EIF4E3: variants seen among roughly 807,000 people sequenced by gnomAD.
EIF4E3 encodes eukaryotic translation initiation factor 4E family member 3.
A neutral mutation model predicts 31.7 loss-of-function variants in EIF4E3; 26 were observed. That is an observed-to-expected ratio of 0.82 (90% CI 0.60 to 1.14). The LOEUF is 1.14. EIF4E3 is among the 50% of genes most tolerant of loss of function. EIF4E3 has a pLI of 0.00. For synonymous variants in EIF4E3, 128 were observed against 107.7 expected (o/e 1.19, Z -1.17); for missense variants, 304 against 270.9 (o/e 1.12, Z -0.86).
chr3:71,700,473 G>A (rs1440985575), intron 2 of EIF4E3, among the ~76,000 whole-genome samples: 1 of 152,030 alleles, frequency 6.6e-6, no homozygotes, highest in Admixed American at 6.5e-5. Context: ...AATTAGCCAG[G>A]CGTGGTGCCA....
intron 1 of EIF4E3, among the ~76,000 whole-genome samples, chr3:71,719,043 A>G (rs145689334): frequency 8.1e-4 from 123 of 152,324 alleles, no homozygotes; most frequent in African/African-American, 2.8e-3. Context: ...TGTCAAGCTC[A>G]GCCCTACCTT....
At chr3:71,701,154 T>C (rs1294386242) in intron 2 of EIF4E3, among the ~76,000 whole-genome samples, 6 of 152,184 alleles carry the variant, frequency 3.9e-5, no homozygotes, top group African/African-American at 1.2e-4. Flanking sequence ...TTGGTTATAG[T>C]AGCCTGAACT....
the EIF4E3 span, among the ~76,000 whole-genome samples, chr3:71,666,808 G>A: frequency 1.2e-3 from 178 of 152,126 alleles, no homozygotes; most frequent in African/African-American, 3.8e-3. Flanking sequence ...GCATGGTGGC[G>A]CACACCTGTA....
chr3:71,670,198 C>CT, the EIF4E3 span, among the ~76,000 whole-genome samples: 21 of 152,214 alleles, frequency 1.4e-4, no homozygotes, highest in African/African-American at 5.1e-4. Flanking sequence ...GTACAAAAGT[C>CT]TTCCAGGTGT....
At position 71,696,456 on chromosome 3, in the gene EIF4E3, C is replaced by T. The variant is rs1424905776; in HGVS notation, c.405+4G>A. 8.1e-6 allele frequency: 13 copies of T among 1,614,004 alleles called. No homozygotes were observed. The Middle Eastern group carries it at 4.9e-4, about 61-fold the overall frequency. Reference sequence around the variant, plus strand: ...GTTCTAGAAGAGGATCAGTAGGAACCTACCGTGCTGTCCTTGGGGACTTTC... The same window carrying T: ...GTTCTAGAAGAGGATCAGTAGGAACTTACCGTGCTGTCCTTGGGGACTTTC... On this transcript the variant is annotated splice_donor_region_variant and intron_variant, in intron 4 of 6. Coordinates refer to ENST00000425534, the MANE Select transcript of EIF4E3 (RefSeq NM_001134651.2).
intron 1 of EIF4E3, among the ~76,000 whole-genome samples, chr3:71,716,263 C>G (rs976093599): frequency 6.6e-6 from 1 of 152,080 alleles, no homozygotes; most frequent in African/African-American, 2.4e-5. Flanking sequence ...GACGGAGTCT[C>G]GCTCTGTTGC....
chr3:71,735,120 G>A lies in EIF4E3; in HGVS notation c.-290-6497C>T, dbSNP rs374399609. Among the ~76,000 whole-genome samples, 5 of 152,166 alleles carry A rather than the reference G, an allele frequency of 3.3e-5. No individual in the cohort carries two copies. In the East Asian group the frequency reaches 9.6e-4, roughly 29 times the overall value. On this transcript the variant is annotated intron_variant, in intron 1 of 7. Coordinates refer to the EIF4E3 transcript ENST00000295612. ...GAAACAGGATGTATTCAAATTATAT[G>A]AGGAATGACGTTCCCCATCTAACTA... is the stretch of plus-strand genomic sequence containing the variant.
Position 71,696,466 on chromosome 3 carries a change from G to C in EIF4E3, c.399C>G (p.Asp133Glu). 1 of 1,614,110 alleles carries C rather than the reference G, an allele frequency of 6.2e-7. No individual in the cohort carries two copies. Among genetic ancestry groups the C allele is most frequent in the Non-Finnish European group, 8.5e-7 (1 of 1,180,014 alleles). ...AGGATCAGTAGGAACCTACCGTGCT[G>C]TCCTTGGGGACTTTCATCTTCCATA... Reference protein sequence around the residue: ...GGVWKMKVPKDSTSTVWKELL... With the variant: ...GGVWKMKVPKESTSTVWKELL... The change falls in exon 4 of 7, where the codon GAC becomes GAG. Residue 133 changes from aspartate to glutamate, a missense_variant. Transcript: ENST00000425534.
chr3:71,750,387 G>T (rs778780712), intron 1 of EIF4E3, among the ~76,000 whole-genome samples: 3 of 152,162 alleles, frequency 2.0e-5, no homozygotes, highest in Non-Finnish European at 4.4e-5. Context: ...CTAGGAGTGG[G>T]AGGACCTGGG....
At chr3:71,751,783 A>C (rs2108168283) in intron 1 of EIF4E3, among the ~76,000 whole-genome samples, 1 of 152,274 alleles carries the variant, frequency 6.6e-6, no homozygotes, top group East Asian at 1.9e-4. Context: ...GCCTGGAATG[A>C]AGAAATGATG....
intron 1 of EIF4E3, chr3:71,753,326 C>T (rs1408109357): frequency 6.6e-6 from 1 of 152,304 alleles, no homozygotes; most frequent in Non-Finnish European, 1.5e-5. Flanking sequence ...GTAAATTACT[C>T]CCAGCTTTCG....
chr3:71,711,408 C>T (rs1240800453), intron 1 of EIF4E3, among the ~76,000 whole-genome samples: 1 of 152,212 alleles, frequency 6.6e-6, no homozygotes, highest in African/African-American at 2.4e-5. Context: ...GAGAAAGCAC[C>T]TCAATCACAG....
At chr3:71,746,572 AT>A (rs1559615962) in intron 1 of EIF4E3, among the ~76,000 whole-genome samples, 2 of 152,206 alleles carry the variant, frequency 1.3e-5, no homozygotes, top group South Asian at 4.1e-4. Context: ...TCAGAAAGCC[AT>A]AACTAGGAGT....
intron 1 of EIF4E3, among the ~76,000 whole-genome samples, chr3:71,741,646 C>T (rs779927745): frequency 2.0e-5 from 3 of 152,166 alleles, no homozygotes; most frequent in Non-Finnish European, 4.4e-5. Flanking sequence ...TAAAAGATTT[C>T]AACAACACTA....
chr3:71,750,598 G>C (rs1352387047), intron 1 of EIF4E3, among the ~76,000 whole-genome samples: 2 of 152,158 alleles, frequency 1.3e-5, no homozygotes, highest in East Asian at 3.9e-4. Context: ...GGCAGTGTTT[G>C]TGGAGATCAT....
rs543372855 is a variant in EIF4E3 at position 71,693,905 on chromosome 3, C to T, written c.442G>A (p.Gly148Arg). ...VWKELLLATI[G>R]EQFTDCAAAD... is the part of the protein sequence containing the mutation. ...GCGGCACAGTCTGTGAACTGTTCCC[C>T]GATGGTTGCTAACAGCAACTCTTTC... Residue 148 changes from glycine (G) to arginine (R), a missense_variant, in exon 5 of 7, where the codon GGG becomes AGG. By Grantham distance (125) the Gly-to-Arg change is moderately radical (BLOSUM62 -2). Transcript: ENST00000425534. 3.8e-5 allele frequency: 60 copies of T among 1,585,696 alleles called. No homozygotes were observed. The Admixed American group carries it at 4.4e-4, about 12-fold the overall frequency.
At chr3:71,689,126 TA>T (rs1475697139) in intron 6 of EIF4E3, among the ~76,000 whole-genome samples, 1 of 152,228 alleles carries the variant, frequency 6.6e-6, no homozygotes, top group Non-Finnish European at 1.5e-5. Flanking sequence ...AATAATGTGT[TA>T]CAGTTTAATT....
intron 1 of EIF4E3, among the ~76,000 whole-genome samples, chr3:71,711,926 T>C (rs1206805131): frequency 6.6e-6 from 1 of 152,018 alleles, no homozygotes; most frequent in African/African-American, 2.4e-5. Flanking sequence ...GAGGTTGCAG[T>C]GCACCGAGGT....
chr3:71,660,717 T>C, the EIF4E3 span, among the ~76,000 whole-genome samples: 1 of 152,148 alleles, frequency 6.6e-6, no homozygotes, highest in Admixed American at 6.6e-5. Context: ...CTGTTGTAAA[T>C]GGGCAGTAAT....
Sources: gnomAD v4.1 joint callset for allele counts (sites outside exome capture counted in the v4.1 genomes callset) on GRCh38, gnomAD v4.1.1 for gene constraint, MANE v1.5 for transcripts, NCBI Gene and HGNC (gene_info 2026-07-23, HGNC 2026-07-21) for gene names.